Variants in LRRTM4 observed in about 807,000 individuals in gnomAD.
The protein encoded by LRRTM4 is leucine rich repeat transmembrane neuronal 4.
LRRTM4 carries 25 observed loss-of-function variants against 47.6 expected under a neutral mutation model. The observed-to-expected ratio is 0.53, with a 90% CI of 0.38 to 0.73. The LOEUF (loss-of-function observed/expected upper bound fraction) is 0.73. Ranked by LOEUF, LRRTM4 falls within the 30% of genes least tolerant of loss-of-function variation. The pLI is 0.00. For synonymous variants in LRRTM4, 311 were observed against 269.5 expected (o/e 1.15, Z -1.51); for missense variants, 638 against 713.4 (o/e 0.89, Z 1.20).
At chr2:77,454,818 A>G (rs1296219324) in intron 3 of LRRTM4, among the ~76,000 whole-genome samples, 1 of 152,212 alleles carries the variant, frequency 6.6e-6, no homozygotes, top group Non-Finnish European at 1.5e-5. Context: ...CCCAATCAAT[A>G]TGTGTTGATG....
Position 77,519,494 on chromosome 2 carries a change from G to T in LRRTM4, c.375C>A (p.His125Gln), listed in dbSNP as rs1344631056. Residue 125 changes from histidine (H) to glutamine (Q), a missense_variant, in exon 3 of 4, where the codon CAC becomes CAA. Transcript: ENST00000409884. The surrounding 1 kb of genome is among the most constrained non-coding windows in gnomAD (Gnocchi z 4.6). ...ILSSNKITYL[H>Q]NKTFHPVPNL... ...TGGGAACTGGGTGAAATGTTTTATT[G>T]TGCAGATAAGTAATTTTGTTGGAGC... The T allele has an allele frequency of 3.1e-6, 5 of 1,613,370 alleles. No individual in the cohort carries two copies. Among genetic ancestry groups the T allele is most frequent in the Non-Finnish European group, 4.2e-6 (5 of 1,179,606 alleles).
intron 3 of LRRTM4, among the ~76,000 whole-genome samples, chr2:77,211,312 G>T (rs539566370): frequency 6.6e-6 from 1 of 152,144 alleles, no homozygotes; most frequent in African/African-American, 2.4e-5. Flanking sequence ...TGAAAGAGAA[G>T]CAGATACTGC....
intron 3 of LRRTM4, among the ~76,000 whole-genome samples, chr2:76,932,676 T>G (rs1253770593): frequency 6.6e-6 from 1 of 152,094 alleles, no homozygotes; most frequent in Non-Finnish European, 1.5e-5. Context: ...TTCTAAATAT[T>G]TGTATATATA....
At chr2:76,869,467 A>G (rs1672562237) in intron 3 of LRRTM4, among the ~76,000 whole-genome samples, 1 of 152,148 alleles carries the variant, frequency 6.6e-6, no homozygotes, top group African/African-American at 2.4e-5. Flanking sequence ...GCAGACTGGC[A>G]AAGCTAAGAA....
At chr2:77,218,478 C>T (rs999004564) in intron 3 of LRRTM4, among the ~76,000 whole-genome samples, 3 of 151,574 alleles carry the variant, frequency 2.0e-5, no homozygotes, top group Non-Finnish European at 4.4e-5. Flanking sequence ...CTCTTAATGC[C>T]ATATACTTCC....
At chr2:76,794,837 T>TACTTATTGCCATAG (rs1232889707) in intron 3 of LRRTM4, among the ~76,000 whole-genome samples, 1 of 151,668 alleles carries the variant, frequency 6.6e-6, no homozygotes, top group Non-Finnish European at 1.5e-5. Flanking sequence ...AAACTGACCC[T>TACTTATTGCCATAG]ACTTATTGCC....
chr2:77,464,287 TTTCTATAG>T (rs1676900497), intron 3 of LRRTM4, among the ~76,000 whole-genome samples: 1 of 152,092 alleles, frequency 6.6e-6, no homozygotes, highest in African/African-American at 2.4e-5. Flanking sequence ...ATGAAATCAC[TTTCTATAG>T]ATTTCTAAAT....
chr2:77,374,690 T>C (rs1429935378), intron 3 of LRRTM4, among the ~76,000 whole-genome samples: 1 of 151,778 alleles, frequency 6.6e-6, no homozygotes, highest in South Asian at 2.1e-4. Flanking sequence ...CCAGCCTTAA[T>C]TGCCTTCAAA....
intron 3 of LRRTM4, among the ~76,000 whole-genome samples, chr2:77,008,280 G>C (rs1433512986): frequency 6.6e-6 from 1 of 152,136 alleles, no homozygotes; most frequent in Non-Finnish European, 1.5e-5. Flanking sequence ...TACATCTTAA[G>C]TGAAAGCTGA....
chr2:76,901,486 AG>A (rs1558724878), intron 3 of LRRTM4, among the ~76,000 whole-genome samples: 5 of 152,132 alleles, frequency 3.3e-5, no homozygotes, highest in African/African-American at 1.2e-4. Context: ...GACAGAAAAA[AG>A]GGAGAGCAGT....
At chr2:77,161,852 G>A (rs1020987263) in intron 3 of LRRTM4, among the ~76,000 whole-genome samples, 2 of 151,922 alleles carry the variant, frequency 1.3e-5, no homozygotes, top group Non-Finnish European at 2.9e-5. Flanking sequence ...CTAGTATTTT[G>A]AGGTTAATTA....
At chr2:77,246,009 C>T (rs1675436697) in intron 3 of LRRTM4, among the ~76,000 whole-genome samples, 1 of 152,204 alleles carries the variant, frequency 6.6e-6, no homozygotes, top group Non-Finnish European at 1.5e-5. Context: ...ACTAAATACA[C>T]TGTAAATCCT....
In LRRTM4 at chr2:76,911,948, G is replaced by C. The variant is rs146860282; in HGVS notation, c.1552-163032C>G. ...GTATGTGCTTTTTGGGGGGGGGGGG[G>C]GGACAGAGTCTCGCTCTGTCGCCCA... On this transcript the variant is annotated intron_variant, in intron 3 of 3. Transcript: ENST00000409884. Among the ~76,000 whole-genome samples, 103 of 129,682 alleles carry C rather than the reference G, an allele frequency of 7.9e-4. 4 individuals are homozygous for C. The highest frequency in any genetic ancestry group is 7.5e-3 in the Middle Eastern group (2 of 266). The allele number at this position is 129,682 out of a possible 152,430, so 85.1% of individuals were successfully genotyped here.
At chr2:77,098,754 T>C (rs968994374) in intron 3 of LRRTM4, among the ~76,000 whole-genome samples, 1 of 151,870 alleles carries the variant, frequency 6.6e-6, no homozygotes, top group African/African-American at 2.4e-5. Context: ...TCACAAAAGA[T>C]TAGTTTCCAG....
At chr2:76,767,505 C>T (rs985370836) in intron 3 of LRRTM4, among the ~76,000 whole-genome samples, 4 of 152,122 alleles carry the variant, frequency 2.6e-5, no homozygotes, top group African/African-American at 9.7e-5. Flanking sequence ...GTTCTTAAGA[C>T]TTGTGCTCAA....
intron 3 of LRRTM4, among the ~76,000 whole-genome samples, chr2:76,836,173 A>C (rs966964680): frequency 6.6e-6 from 1 of 150,734 alleles, no homozygotes; most frequent in South Asian, 2.1e-4. Flanking sequence ...AAAAAAAAAA[A>C]AATAACAGTG....
intron 3 of LRRTM4, among the ~76,000 whole-genome samples, chr2:77,445,688 T>A (rs1248865398): frequency 6.6e-6 from 1 of 152,074 alleles, no homozygotes; most frequent in Non-Finnish European, 1.5e-5. Context: ...ACAGTTACAA[T>A]ACATTTGGGG....
chr2:76,907,872 G>T (rs1276734348), intron 3 of LRRTM4, among the ~76,000 whole-genome samples: 2 of 141,688 alleles, frequency 1.4e-5, no homozygotes, highest in Non-Finnish European at 3.0e-5. Flanking sequence ...ACCGAAAAGA[G>T]TCCAGGACCA....
chr2:77,127,852 T>C (rs529440339), intron 3 of LRRTM4, among the ~76,000 whole-genome samples: 5 of 152,048 alleles, frequency 3.3e-5, no homozygotes, highest in East Asian at 1.9e-4. Flanking sequence ...GAAACAAATG[T>C]TTTTTAAGCC....
Sources: allele counts gnomAD v4.1 joint callset (sites outside exome capture counted in the v4.1 genomes callset), GRCh38; gene constraint gnomAD v4.1.1; non-coding constraint Gnocchi (gnomAD v3.1); transcripts MANE v1.5; gene names NCBI Gene and HGNC (gene_info 2026-07-23, HGNC 2026-07-21).